KIAA1217: variants seen among roughly 807,000 people sequenced by gnomAD.
KIAA1217 encodes the protein KIAA1217, also known as sickle tail protein homolog.
A neutral mutation model predicts 163.9 loss-of-function variants in KIAA1217; 88 were observed. The ratio of observed to expected loss-of-function variants is 0.54; its 90% CI spans 0.45 to 0.64. The LOEUF is 0.64. KIAA1217 is among the 30% of genes least tolerant of loss of function. The pLI is 0.00. For missense variants in KIAA1217, 2,372 were observed against 2,475.0 expected (o/e 0.96, Z 0.88); for synonymous variants, 903 against 923.1 (o/e 0.98, Z 0.39).
intron 3 of KIAA1217, among the ~76,000 whole-genome samples, chr10:24,417,889 T>C (rs1164405265): frequency 1.4e-5 from 2 of 143,010 alleles, no homozygotes; most frequent in African/African-American, 5.5e-5. Context: ...TAACATAACT[T>C]AAGTGGAATA....
At chr10:24,216,565 A>G (rs2068842553) in intron 1 of KIAA1217, among the ~76,000 whole-genome samples, 1 of 152,006 alleles carries the variant, frequency 6.6e-6, no homozygotes, top group Non-Finnish European at 1.5e-5. Context: ...GATGGCTCAT[A>G]CTTGTAATCC....
At chr10:24,404,774 G>A (rs965838794) in intron 3 of KIAA1217, among the ~76,000 whole-genome samples, 3 of 151,952 alleles carry the variant, frequency 2.0e-5, no homozygotes, top group Non-Finnish European at 2.9e-5. Flanking sequence ...GTTCAACTAC[G>A]ATACATGCAT....
chr10:23,969,585 G>C (rs976650273), intron 1 of KIAA1217, among the ~76,000 whole-genome samples: 1 of 151,932 alleles, frequency 6.6e-6, no homozygotes, highest in African/African-American at 2.4e-5. Flanking sequence ...ATTTTCTTTG[G>C]AGAAACGTCT....
At chr10:23,999,722 TG>T (rs1846656116) in intron 1 of KIAA1217, among the ~76,000 whole-genome samples, 1 of 152,036 alleles carries the variant, frequency 6.6e-6, no homozygotes, top group Non-Finnish European at 1.5e-5. Context: ...GAAGGGGAAA[TG>T]TATTAGAACA....
At chr10:24,084,370 G>T (rs1321398988) in intron 2 of KIAA1217, among the ~76,000 whole-genome samples, 1 of 152,184 alleles carries the variant, frequency 6.6e-6, no homozygotes, top group South Asian at 2.1e-4. Flanking sequence ...TAGCCAGAAA[G>T]GTACATATAA....
At chr10:23,850,954 C>T (rs1050347546) in intron 1 of KIAA1217, among the ~76,000 whole-genome samples, 1 of 151,962 alleles carries the variant, frequency 6.6e-6, no homozygotes, top group Admixed American at 6.6e-5. Flanking sequence ...GGGGGAAATC[C>T]ACCCCCATGA....
chr10:23,779,096 G>A (rs563071434), intron 1 of KIAA1217, among the ~76,000 whole-genome samples: 1 of 152,026 alleles, frequency 6.6e-6, no homozygotes, highest in Non-Finnish European at 1.5e-5. Flanking sequence ...CCTGCTATGT[G>A]GCTGCTTTCT....
chr10:23,873,834 T>C (rs1840569784), intron 1 of KIAA1217, among the ~76,000 whole-genome samples: 1 of 152,018 alleles, frequency 6.6e-6, no homozygotes, highest in Admixed American at 6.6e-5. Context: ...AAAATATCAG[T>C]ACACATGTAG....
chr10:24,091,723 G>C (rs1483681045), intron 2 of KIAA1217, among the ~76,000 whole-genome samples: 1 of 151,830 alleles, frequency 6.6e-6, no homozygotes, highest in Non-Finnish European at 1.5e-5. Flanking sequence ...TGAACTTGCA[G>C]CTTTGCTTCT....
chr10:23,736,864 A>T (rs574849020), intron 1 of KIAA1217, among the ~76,000 whole-genome samples: 27 of 152,190 alleles, frequency 1.8e-4, no homozygotes, highest in Admixed American at 7.9e-4. Context: ...AACTGCCCTT[A>T]ACTTATTTTT....
chr10:23,927,654 G>A (rs962955409), intron 1 of KIAA1217, among the ~76,000 whole-genome samples: 4 of 152,098 alleles, frequency 2.6e-5, no homozygotes, highest in Non-Finnish European at 5.9e-5. Context: ...TTCAGGATGA[G>A]ATTTATAAAC....
chr10:23,887,855 A>G (rs1355642809), intron 1 of KIAA1217, among the ~76,000 whole-genome samples: 3 of 151,916 alleles, frequency 2.0e-5, no homozygotes, highest in Non-Finnish European at 4.4e-5. Context: ...TTTACCAATG[A>G]CTGAGAATTT....
intron 9 of KIAA1217, among the ~76,000 whole-genome samples, chr10:24,507,076 A>G (rs2068468493): frequency 6.6e-6 from 1 of 152,222 alleles, no homozygotes; most frequent in Non-Finnish European, 1.5e-5. Context: ...GGCATTTTGT[A>G]GAGATCGGAG....
At chr10:24,537,864 A>C (rs1412507897) in intron 17 of KIAA1217, among the ~76,000 whole-genome samples, 1 of 152,208 alleles carries the variant, frequency 6.6e-6, no homozygotes, top group Non-Finnish European at 1.5e-5. Context: ...TAAGCACTCT[A>C]GGGAAACGAC....
intron 1 of KIAA1217, among the ~76,000 whole-genome samples, chr10:24,003,129 T>TTTTGTTA (rs1846827759): frequency 1.3e-5 from 2 of 152,130 alleles, no homozygotes; most frequent in Non-Finnish European, 2.9e-5. Flanking sequence ...GCAAGTGTTT[T>TTTTGTTA]TTTGTTTTTT....
At chr10:23,823,556 A>G (rs564440563) in intron 1 of KIAA1217, among the ~76,000 whole-genome samples, 1 of 152,314 alleles carries the variant, frequency 6.6e-6, no homozygotes, top group African/African-American at 2.4e-5. Flanking sequence ...CTTTAATGAC[A>G]TCTGCAAAGT....
intron 5 of KIAA1217, among the ~76,000 whole-genome samples, chr10:24,468,285 G>C (rs1402554243): frequency 1.3e-5 from 2 of 152,116 alleles, no homozygotes; most frequent in Non-Finnish European, 1.5e-5. Flanking sequence ...CTGATCGTAA[G>C]GGTTCATTCT....
At chr10:24,477,757 T>C (rs373210467) in intron 6 of KIAA1217, among the ~76,000 whole-genome samples, 48 of 152,318 alleles carry the variant, frequency 3.2e-4, no homozygotes, top group African/African-American at 1.1e-3. Flanking sequence ...GTAGACTTCA[T>C]TTTTTTAAAT....
intron 2 of KIAA1217, among the ~76,000 whole-genome samples, chr10:24,127,362 T>C (rs2063504409): frequency 6.6e-6 from 1 of 152,138 alleles, no homozygotes; most frequent in Non-Finnish European, 1.5e-5. Flanking sequence ...TTTCAGGGAG[T>C]ATATTGCAGA....
Sources: gnomAD v4.1 joint callset for allele counts (sites outside exome capture counted in the v4.1 genomes callset) on GRCh38, gnomAD v4.1.1 for gene constraint, MANE v1.5 for transcripts, NCBI Gene and HGNC (gene_info 2026-07-23, HGNC 2026-07-21) for gene names.